The following PIR variants were observed in gnomAD, a reference collection of about 807,000 sequenced individuals.
PIR encodes pirin.
In PIR, 22 loss-of-function variants were observed where a neutral mutation model predicts 24.2. The ratio of observed to expected loss-of-function variants is 0.91; its 90% CI spans 0.65 to 1.30. The LOEUF is 1.30. Among genes scored for constraint, PIR ranks in the 50% most tolerant of loss-of-function variants. The pLI is 0.00. For synonymous variants in PIR, 80 were observed against 79.6 expected, an observed-to-expected ratio of 1.00 and a Z score of -0.03; for missense variants, 220 against 220.3, an observed-to-expected ratio of 1.00 and a Z score of 0.01.
intron 5 of PIR, among the ~76,000 whole-genome samples, chrX:15,435,253 GAAAA>G: frequency 1.0e-5 from 1 of 97,490 alleles, no homozygotes; most frequent in Non-Finnish European, 2.1e-5. Context: ...AAGAAAGAAA[GAAAA>G]GAGAAAGAAA....
chrX:15,434,919 T>C (rs929372389), intron 5 of PIR, among the ~76,000 whole-genome samples: 11 of 111,796 alleles, frequency 9.8e-5, no homozygotes, highest in Non-Finnish European at 2.1e-4. Context: ...CATTAAATTA[T>C]TTAATCTATG....
chrX:15,491,554 T>G (rs996908907), intron 1 of PIR, among the ~76,000 whole-genome samples: 5 of 111,761 alleles, frequency 4.5e-5, no homozygotes, highest in African/African-American at 1.6e-4. Flanking sequence ...AATCCTACAG[T>G]AATCTTGTGC....
At chrX:15,428,469 C>T (rs1376032393) in intron 5 of PIR, among the ~76,000 whole-genome samples, 1 of 112,149 alleles carries the variant, frequency 8.9e-6, no homozygotes, top group Non-Finnish European at 1.9e-5. Context: ...TCAACCTCTG[C>T]CTCAGTGGCA....
chrX:15,416,289 A>G (rs1470504038), intron 6 of PIR, among the ~76,000 whole-genome samples: 2 of 112,006 alleles, frequency 1.8e-5, no homozygotes, highest in East Asian at 5.6e-4. Flanking sequence ...CATGAATTAA[A>G]TCGGCTTTTG....
chrX:15,454,917 G>A (rs916024676), intron 5 of PIR, among the ~76,000 whole-genome samples: 1 of 112,290 alleles, frequency 8.9e-6, no homozygotes, highest in African/African-American at 3.2e-5. Flanking sequence ...GATGGGCTCG[G>A]ACATCTCTGA....
In PIR at chrX:15,431,674, C is replaced by A. The variant is rs963845915; in HGVS notation, c.481-5684G>T. Among the ~76,000 whole-genome samples, 101 of 102,314 alleles carry A rather than the reference C, an allele frequency of 9.9e-4. 2 individuals carry two copies. The highest frequency in any genetic ancestry group is 3.5e-3 in the African/African-American group (96 of 27,413). The allele number at this position is 102,314 out of a possible 115,157, so 88.8% of individuals were successfully genotyped here. A position where few individuals can be genotyped will look rare whatever the true frequency, so the allele number is the denominator to read the frequency against. ...AGGTAAAAGTTAAAAAATAACCACC[C>A]CCCCCCCGAAAACCTTTGGAAAATG... On this transcript the variant is annotated intron_variant, in intron 5 of 9. Transcript: ENST00000380420.
At chrX:15,423,628 A>G (rs1925209154) in intron 6 of PIR, among the ~76,000 whole-genome samples, 1 of 111,049 alleles carries the variant, frequency 9.0e-6, no homozygotes, top group Non-Finnish European at 1.9e-5. Context: ...AAAAAAAAAT[A>G]GTGAAGAGAC....
chrX:15,479,877 G>C, intron 2 of PIR, 56 bp from the exon 3 acceptor site: 1 of 614,496 alleles, frequency 1.6e-6, no homozygotes, highest in Non-Finnish European at 2.6e-6. Flanking sequence ...ATACTACCAG[G>C]GGCTACATTT....
chrX:15,400,498 G>A (rs947425028), intron 7 of PIR, among the ~76,000 whole-genome samples: 4 of 111,511 alleles, frequency 3.6e-5, no homozygotes, highest in Non-Finnish European at 5.6e-5. Context: ...TGGCAAAAGA[G>A]TGCTCAAAAA....
chrX:15,464,682 A>G (rs1368519276), intron 3 of PIR, among the ~76,000 whole-genome samples: 1 of 112,664 alleles, frequency 8.9e-6, no homozygotes, highest in Non-Finnish European at 1.9e-5. Flanking sequence ...AAGCTTAAAA[A>G]TTTAAGAGGA....
At chrX:15,403,063 C>T (rs1924441806) in intron 7 of PIR, among the ~76,000 whole-genome samples, 1 of 111,225 alleles carries the variant, frequency 9.0e-6, no homozygotes, top group Non-Finnish European at 1.9e-5. Context: ...CAAGCACCTT[C>T]CTCAAAGTAT....
chrX:15,434,441 GAGA>G (rs907105543), intron 5 of PIR, among the ~76,000 whole-genome samples: 33 of 109,651 alleles, frequency 3.0e-4, no homozygotes, highest in African/African-American at 9.6e-4. Flanking sequence ...GAGGAAGAAG[GAGA>G]AGGAGAAGAA....
rs778545175 is a variant in PIR, at chrX:15,491,238, ACTTT to A, written c.16_19del (p.Lys6LeufsTer27). ...CTCCCGGCTGAGCACTGAGAGAGTA[ACTTT>A]CTTGGAGGACCCCATATCGGAGTCT... On this transcript the variant is annotated frameshift_variant, in exon 2 of 10. Transcript: ENST00000380420. LOFTEE classifies it high-confidence loss of function. 1 of 1,201,203 alleles carries A rather than the reference ACTTT, an allele frequency of 8.3e-7. No homozygotes were observed. Among genetic ancestry groups the A allele is most frequent in the South Asian group, 1.8e-5 (1 of 56,541 alleles).
At chrX:15,475,626 C>T (rs1266438026) in intron 3 of PIR, among the ~76,000 whole-genome samples, 2 of 111,847 alleles carry the variant, frequency 1.8e-5, no homozygotes, top group African/African-American at 3.3e-5. Flanking sequence ...CAACGGAGTC[C>T]GATCTATAAG....
In PIR at chrX:15,484,426, C is replaced by T. The variant is rs375477567; in HGVS notation, c.97-4605G>A. On this transcript the variant is annotated intron_variant, in intron 2 of 9. Transcript: ENST00000380420. ...GCTTCCTGGCCTCAAGCAATGCGCCCGCCTCAGTGCCCCAAGTAGCTGGGA... is the reference window on the plus strand; with the variant it reads ...GCTTCCTGGCCTCAAGCAATGCGCCTGCCTCAGTGCCCCAAGTAGCTGGGA... 7.6e-5 allele frequency among the ~76,000 whole-genome samples: 8 copies of T among 105,571 alleles called. No homozygotes were observed. The East Asian group carries it at 2.1e-3, about 27-fold the overall frequency. 91.7% of individuals were successfully genotyped at this position (105,571 alleles called of 115,157 possible).
At chrX:15,442,005 AAAG>A (rs1925930787) in intron 5 of PIR, among the ~76,000 whole-genome samples, 1 of 111,382 alleles carries the variant, frequency 9.0e-6, no homozygotes, top group Non-Finnish European at 1.9e-5. Context: ...CTTGGGAAGG[AAAG>A]AAAGACGTAC....
intron 8 of PIR, among the ~76,000 whole-genome samples, chrX:15,391,340 C>T (rs1213550392): frequency 9.0e-6 from 1 of 111,406 alleles, no homozygotes; most frequent in East Asian, 2.8e-4. Context: ...TTTCAAATTG[C>T]TACAAAAATT....
At chrX:15,475,808 C>T (rs1331908475) in intron 3 of PIR, among the ~76,000 whole-genome samples, 1 of 111,830 alleles carries the variant, frequency 8.9e-6, no homozygotes, top group African/African-American at 3.3e-5. Context: ...AAAAACAATC[C>T]TCCCCAGAAA....
chrX:15,387,717 A>G (rs1355428175), intron 9 of PIR, among the ~76,000 whole-genome samples: 4 of 111,356 alleles, frequency 3.6e-5, no homozygotes, highest in Admixed American at 2.9e-4. Flanking sequence ...TATGGTTGGG[A>G]CTTGTGGAGC....
Sources: allele counts gnomAD v4.1 joint callset (sites outside exome capture counted in the v4.1 genomes callset), GRCh38; gene constraint gnomAD v4.1.1; transcripts MANE v1.5; gene names NCBI Gene and HGNC (gene_info 2026-07-23, HGNC 2026-07-21).